The following ICMT variants were observed in gnomAD, a reference collection of about 807,000 sequenced individuals.
The protein encoded by ICMT is isoprenylcysteine carboxyl methyltransferase.
In ICMT, 10 loss-of-function variants were observed where a neutral mutation model predicts 32.2. That is an observed-to-expected ratio of 0.31 (90% CI 0.19 to 0.53). ICMT has a LOEUF of 0.53. Among genes scored for constraint, ICMT ranks in the 20% least tolerant of loss-of-function variants. The pLI, the probability that ICMT is intolerant of heterozygous loss-of-function variation, is 0.96. For missense variants in ICMT, 265 were observed against 356.9 expected, an observed-to-expected ratio of 0.74 and a Z score of 2.07; for synonymous variants, 183 against 158.2, an observed-to-expected ratio of 1.16 and a Z score of -1.18.
chr1:6,226,037 T>A (rs185698634), intron 4 of ICMT, among the ~76,000 whole-genome samples: 11 of 152,238 alleles, frequency 7.2e-5, no homozygotes, highest in Admixed American at 3.9e-4. Context: ...GTATTTTTTG[T>A]AGAGATGGGG....
intron 4 of ICMT, 151 bp from the exon 5 acceptor site, chr1:6,225,413 C>G: frequency 1.5e-6 from 1 of 682,504 alleles, no homozygotes; most frequent in East Asian, 2.7e-5. Flanking sequence ...TCACCTTAGC[C>G]CTGAGCACTC....
chr1:6,231,415 G>A (rs909347115), intron 4 of ICMT, among the ~76,000 whole-genome samples: 1 of 152,044 alleles, frequency 6.6e-6, no homozygotes, highest in Non-Finnish European at 1.5e-5. Flanking sequence ...GGTTGAAGGG[G>A]CAGAGAAAGG....
At chr1:6,231,784 A>C (rs180831320) in intron 4 of ICMT, 118 bp downstream of exon 4, 112 of 656,940 alleles carry the variant, frequency 1.7e-4, no homozygotes, top group Non-Finnish European at 2.7e-4. Flanking sequence ...TCATGAATAC[A>C]CTGAAAACCA....
At chr1:6,228,637 C>T (rs369603916) in intron 4 of ICMT, among the ~76,000 whole-genome samples, 2 of 151,700 alleles carry the variant, frequency 1.3e-5, no homozygotes. Flanking sequence ...CCACCATGCC[C>T]GGCCAGCCAA....
At chr1:6,232,513 T>G (rs1444526277) in intron 3 of ICMT, among the ~76,000 whole-genome samples, 1 of 152,260 alleles carries the variant, frequency 6.6e-6, no homozygotes, top group African/African-American at 2.4e-5. Context: ...TTTCATTGGC[T>G]GTGAGACATT....
At chr1:6,230,465 T>C (rs1029571556) in intron 4 of ICMT, among the ~76,000 whole-genome samples, 5 of 151,578 alleles carry the variant, frequency 3.3e-5, no homozygotes, top group Non-Finnish European at 7.4e-5. Flanking sequence ...ACCTGTAATG[T>C]ATTCCAGCTA....
Position 6,235,786 on chromosome 1 carries a change from G to T in ICMT, c.126C>A (p.Thr42=). ...GCCCGGCCACGTAGAGCGCCAGCCC[G>T]GTGCGGCCCTGCAGGCCGGCGCGCG... ...LLTRAGLQGR[T]GLALYVAGLN... is the part of the protein sequence containing the mutation. Residue 42 remains threonine, a synonymous_variant, in exon 1 of 5, where the codon ACC becomes ACA. Transcript: ENST00000343813. 1.5e-6 allele frequency: 2 copies of T among 1,334,704 alleles called. No individual in the cohort carries two copies. The highest frequency in any genetic ancestry group is 1.9e-6 in the Non-Finnish European group (2 of 1,034,116). 82.7% of individuals were successfully genotyped at this position (1,334,704 alleles called of 1,614,324 possible).
At chr1:6,227,020 G>C (rs1371617553) in intron 4 of ICMT, among the ~76,000 whole-genome samples, 1 of 152,228 alleles carries the variant, frequency 6.6e-6, no homozygotes, top group Non-Finnish European at 1.5e-5. Context: ...CTCTATAGCA[G>C]GCTGCAGCCT....
chr1:6,234,209 C>T (rs1668780142), intron 2 of ICMT, among the ~76,000 whole-genome samples: 1 of 152,150 alleles, frequency 6.6e-6, no homozygotes, highest in Non-Finnish European at 1.5e-5. Context: ...GCAAAACAAA[C>T]CCATAGGTCA....
intron 2 of ICMT, among the ~76,000 whole-genome samples, chr1:6,234,045 C>T (rs942949925): frequency 6.6e-6 from 1 of 152,142 alleles, no homozygotes; most frequent in Non-Finnish European, 1.5e-5. Context: ...GACAGGGTTT[C>T]GCTATGTTGG....
At chr1:6,227,204 T>C (rs1416000304) in intron 4 of ICMT, among the ~76,000 whole-genome samples, 1 of 152,232 alleles carries the variant, frequency 6.6e-6, no homozygotes, top group Non-Finnish European at 1.5e-5. Context: ...CAAAAAGGTA[T>C]GGAAAACCCT....
At chr1:6,225,768 C>CCCCA (rs1668636741) in intron 4 of ICMT, among the ~76,000 whole-genome samples, 1 of 150,960 alleles carries the variant, frequency 6.6e-6, no homozygotes, top group Non-Finnish European at 1.5e-5. Flanking sequence ...AGAGACTGAA[C>CCCCA]CCCACCCCCT....
chr1:6,235,647 T>G (rs988959411), intron 1 of ICMT, 70 bp downstream of exon 1: 2 of 1,028,418 alleles, frequency 1.9e-6, no homozygotes, highest in African/African-American at 1.7e-5. Context: ...GGGAGAAAGG[T>G]GCCCACGCGC....
At position 6,223,387 on chromosome 1, in the gene ICMT, G is replaced by GT. The variant is rs1668592029; in HGVS notation, c.*1692dup. 6.6e-6 allele frequency: 1 copy of GT among 152,220 alleles called. No homozygotes were observed. Among genetic ancestry groups the GT allele is most frequent in the Admixed American group, 6.5e-5 (1 of 15,284 alleles). The allele number at this position is 152,220 out of a possible 1,614,324, so 9.4% of individuals were successfully genotyped here. ...CTCCCAAATTGCTGGGATTACAGGC[G>GT]TGAGCCACCGCGCCCGGCCGTCTGT... On this transcript the variant is annotated 3_prime_UTR_variant, in exon 5 of 5. Coordinates refer to ENST00000343813, the MANE Select transcript of ICMT (RefSeq NM_012405.4).
In ICMT at chr1:6,224,288, T is replaced by A. The variant is rs1283132745; in HGVS notation, c.*792A>T. 1.3e-5 allele frequency: 2 copies of A among 152,200 alleles called. No homozygotes were observed. The highest frequency in any genetic ancestry group is 2.9e-5 in the Non-Finnish European group (2 of 68,030). The allele number at this position is 152,200 out of a possible 1,614,324, so 9.4% of individuals were successfully genotyped here. On this transcript the variant is annotated 3_prime_UTR_variant, in exon 5 of 5. Transcript: ENST00000343813. The stretch of plus-strand genomic sequence containing the variant: ...TTGGATCAAAAGAAACTGATGCTCC[T>A]TTGAGCCGCCTATCACTGACAACAG...
At chr1:6,228,858 C>T (rs1255527543) in intron 4 of ICMT, among the ~76,000 whole-genome samples, 2 of 151,472 alleles carry the variant, frequency 1.3e-5, no homozygotes, top group Non-Finnish European at 2.9e-5. Flanking sequence ...GAAACCCCTA[C>T]TAAACCTACT....
At position 6,233,834 on chromosome 1, in the gene ICMT, T is replaced by C. The variant is rs534886421; in HGVS notation, c.285-191A>G. ...AAAAAGTGGAGTTTTTAAGGGGCTGTTTTTGTTTCTGGTGTTTTGTTTTGT... is the reference window on the plus strand; with the variant it reads ...AAAAAGTGGAGTTTTTAAGGGGCTGCTTTTGTTTCTGGTGTTTTGTTTTGT... On this transcript the variant is annotated intron_variant, in intron 2 of 4. Transcript: ENST00000343813. 1.8e-3 allele frequency among the ~76,000 whole-genome samples: 269 copies of C among 152,214 alleles called. 2 individuals are homozygous for C. The highest frequency in any genetic ancestry group is 2.7e-3 in the Non-Finnish European group (183 of 67,992).
intron 4 of ICMT, among the ~76,000 whole-genome samples, chr1:6,228,481 T>C (rs998406596): frequency 1.3e-5 from 2 of 152,088 alleles, no homozygotes; most frequent in Admixed American, 6.5e-5. Flanking sequence ...TAGCTGGGAC[T>C]ACAGATGCGT....
At chr1:6,231,450 T>TA (rs1668735447) in intron 4 of ICMT, among the ~76,000 whole-genome samples, 1 of 151,468 alleles carries the variant, frequency 6.6e-6, no homozygotes, top group Non-Finnish European at 1.5e-5. Context: ...CTCATGCCTA[T>TA]AATGCTAGCA....
Sources: allele counts gnomAD v4.1 joint callset (sites outside exome capture counted in the v4.1 genomes callset), GRCh38; gene constraint gnomAD v4.1.1; transcripts MANE v1.5; gene names NCBI Gene and HGNC (gene_info 2026-07-23, HGNC 2026-07-21).